DNMT1: variants seen among roughly 807,000 people sequenced by gnomAD.
DNMT1 encodes the protein DNA (cytosine-5)-methyltransferase 1.
In DNMT1, 24 loss-of-function variants were observed where a neutral mutation model predicts 205.3. The ratio of observed to expected loss-of-function variants is 0.12; its 90% CI spans 0.08 to 0.16. DNMT1 has a LOEUF of 0.16. DNMT1 is among the 10% of genes least tolerant of loss of function. The probability of loss-of-function intolerance (pLI) is 1.00; values close to 1 mark genes in which losing one functional copy is unlikely to be tolerated. For missense variants in DNMT1, 1,293 were observed against 2,177.7 expected, an observed-to-expected ratio of 0.59 and a Z score of 8.09; for synonymous variants, 817 against 839.8, an observed-to-expected ratio of 0.97 and a Z score of 0.47.
At chr19:10,177,459 T>A (rs903998759) in intron 5 of DNMT1, 92 bp from the exon 6 acceptor site, 11 of 1,257,334 alleles carry the variant, frequency 8.7e-6, no homozygotes, top group Non-Finnish European at 1.0e-5. Flanking sequence ...ATTACTAAGC[T>A]ATTGCAGGAA....
rs1420072028 is a variant in DNMT1, at chr19:10,151,242, G to T, written c.2265+156C>A. ...TGCTGGTACTGAGCCATGGAACATG[G>T]TCTCTTGGCCAGTCCCGCTCTTCTC... On this transcript the variant is annotated intron_variant, in intron 24 of 40. Coordinates refer to ENST00000359526, the MANE Select transcript of DNMT1 (RefSeq NM_001130823.3). This position sits in a 1 kb window ranked among gnomAD's most constrained non-coding sequence, Gnocchi z 5.0. Among the ~76,000 whole-genome samples, 4 of 152,060 alleles carry T rather than the reference G, an allele frequency of 2.6e-5. No individual in the cohort carries two copies. Among genetic ancestry groups the T allele is most frequent in the Admixed American group, 1.3e-4 (2 of 15,244 alleles).
intron 1 of DNMT1, among the ~76,000 whole-genome samples, chr19:10,189,266 T>G (rs1451086272): frequency 6.6e-6 from 1 of 151,980 alleles, no homozygotes; most frequent in Non-Finnish European, 1.5e-5. Context: ...ACTATAGGCG[T>G]GTGCCACCAT....
intron 24 of DNMT1, among the ~76,000 whole-genome samples, chr19:10,150,597 T>A (rs2038319531): frequency 6.6e-6 from 1 of 152,214 alleles, no homozygotes; most frequent in Admixed American, 6.5e-5. Flanking sequence ...GCAAGCCTCA[T>A]AATTAAGTGA....
At chr19:10,161,651 A>G (rs2038572828) in intron 13 of DNMT1, among the ~76,000 whole-genome samples, 1 of 152,206 alleles carries the variant, frequency 6.6e-6, no homozygotes, top group Admixed American at 6.5e-5. Flanking sequence ...CTCAAAAATA[A>G]ATACTAAAAT....
At chr19:10,173,844 A>G (rs2038877332) in intron 8 of DNMT1, 27 bp downstream of exon 8, 2 of 1,613,168 alleles carry the variant, frequency 1.2e-6, no homozygotes, top group Middle Eastern at 1.7e-4. Context: ...CGTAGAACAA[A>G]AAGAAAGGTA....
intron 1 of DNMT1, among the ~76,000 whole-genome samples, chr19:10,189,700 T>C (rs1444347936): frequency 6.6e-6 from 1 of 152,110 alleles, no homozygotes; most frequent in Non-Finnish European, 1.5e-5. Flanking sequence ...ATTACAGGCA[T>C]GAGCCACTGC....
At chr19:10,169,592 T>C (rs1036705140) in intron 9 of DNMT1, among the ~76,000 whole-genome samples, 2 of 148,080 alleles carry the variant, frequency 1.4e-5, no homozygotes, top group Admixed American at 6.8e-5. Flanking sequence ...AATAACCCCG[T>C]CTCTACTAAA....
intron 6 of DNMT1, among the ~76,000 whole-genome samples, chr19:10,177,037 C>T (rs1225838523): frequency 6.6e-6 from 1 of 152,120 alleles, no homozygotes; most frequent in Non-Finnish European, 1.5e-5. Flanking sequence ...AACTTGATAA[C>T]TGTTGGCACT....
Position 10,133,688 on chromosome 19 carries a change from C to T in DNMT1, c.4878G>A (p.Glu1626=), listed in dbSNP as rs776749454. The change falls in exon 41 of 41, where the codon GAG becomes GAA. Residue 1626 remains glutamate, a synonymous_variant. Transcript: ENST00000359526. This position sits in a 1 kb window ranked among gnomAD's most constrained non-coding sequence, Gnocchi z 4.1. ...AGAACTAGTCCTTAGCAGCTTCCTC[C>T]TCCTTTATTTTAGCTGAAGGGAAAT... The part of the protein sequence containing the change: ...ARESASAKIK[E]EEAAKD 60 of 1,596,190 alleles carry T rather than the reference C, an allele frequency of 3.8e-5. 1 individual carries two copies. The South Asian group carries it at 6.4e-4, about 17-fold the overall frequency.
intron 28 of DNMT1, among the ~76,000 whole-genome samples, chr19:10,145,799 T>C (rs2038186213): frequency 6.6e-6 from 1 of 152,162 alleles, no homozygotes; most frequent in African/African-American, 2.4e-5. Flanking sequence ...CCCCCAGCTG[T>C]CCCTCGCGCT....
intron 14 of DNMT1, 120 bp downstream of exon 14, chr19:10,160,264 C>T: frequency 1.3e-6 from 2 of 1,547,796 alleles, no homozygotes; most frequent in Non-Finnish European, 1.8e-6. Context: ...TGTTCACCAA[C>T]CCGATCCAAA....
In DNMT1 at chr19:10,159,530, C is replaced by T. The variant is rs766855411; in HGVS notation, c.1280+128G>A. 4.6e-5 allele frequency: 46 copies of T among 994,246 alleles called. No homozygotes were observed. The highest frequency in any genetic ancestry group is 6.1e-5 in the Non-Finnish European group (40 of 651,522). 61.6% of individuals were successfully genotyped at this position (994,246 alleles called of 1,614,324 possible). A position where few individuals can be genotyped will look rare whatever the true frequency, so the allele number is the denominator to read the frequency against. On this transcript the variant is annotated intron_variant, in intron 17 of 40. Transcript: ENST00000359526. This position sits in a 1 kb window ranked among gnomAD's most constrained non-coding sequence, Gnocchi z 5.0. ...AGCCCTCCACGGTGGCTCTTATCCA[C>T]GAAGTGTTAGCTTAAGACATGTTGC...
chr19:10,167,006 T>C (rs2038709241), intron 10 of DNMT1, among the ~76,000 whole-genome samples: 1 of 152,114 alleles, frequency 6.6e-6, no homozygotes, highest in Non-Finnish European at 1.5e-5. Flanking sequence ...CTGGCCTGCC[T>C]AGGTTGAGAG....
rs2089544073 is a variant in DNMT1 at position 10,138,737 on chromosome 19, CCA to C, written c.3949-134_3949-133del. ...ATGCGGAGTGCACTTGCAGAAATCC[CCA>C]GTTACCTCAGCAGGCGTGCTCCTGG... On this transcript the variant is annotated intron_variant, in intron 34 of 40. Coordinates refer to ENST00000359526, the MANE Select transcript of DNMT1 (RefSeq NM_001130823.3). This position sits in a 1 kb window ranked among gnomAD's most constrained non-coding sequence, Gnocchi z 4.1. The C allele has an allele frequency of 2.5e-6, 3 of 1,193,738 alleles. No homozygotes were observed. Among genetic ancestry groups the C allele is most frequent in the Admixed American group, 2.3e-5 (1 of 43,914 alleles). 73.9% of individuals were successfully genotyped at this position (1,193,738 alleles called of 1,614,324 possible). A position where few individuals can be genotyped will look rare whatever the true frequency, so the allele number is the denominator to read the frequency against.
chr19:10,189,221 G>A (rs1285477530), intron 1 of DNMT1, among the ~76,000 whole-genome samples: 6 of 151,198 alleles, frequency 4.0e-5, no homozygotes, highest in African/African-American at 1.5e-4. Context: ...CCAAGTTCAA[G>A]CAATTTTCCT....
Position 10,133,943 on chromosome 19 carries a change from A to C in DNMT1, c.4865-242T>G, listed in dbSNP as rs2089425114. Among the ~76,000 whole-genome samples the C allele has an allele frequency of 6.6e-6, 1 of 152,206 alleles. No homozygotes were observed. Among genetic ancestry groups the C allele is most frequent in the Non-Finnish European group, 1.5e-5 (1 of 68,024 alleles). On this transcript the variant is annotated intron_variant, in intron 40 of 40. Transcript: ENST00000359526. This position sits in a 1 kb window ranked among gnomAD's most constrained non-coding sequence, Gnocchi z 4.1. ...GCTGAGGCAGGTGCCTGCTGAGCCA[A>C]ATTCACCGAGCAGGAGTGAGGGAAA...
At chr19:10,181,999 A>T in intron 2 of DNMT1, 42 bp downstream of exon 2, 3 of 1,565,614 alleles carry the variant, frequency 1.9e-6, no homozygotes, top group Non-Finnish European at 2.6e-6. Context: ...AAAGTGTGTC[A>T]GTCAGATTTG....
intron 8 of DNMT1, among the ~76,000 whole-genome samples, chr19:10,173,382 A>G (rs896298866): frequency 2.0e-5 from 3 of 152,198 alleles, no homozygotes; most frequent in African/African-American, 7.2e-5. Flanking sequence ...CCTTCCAAGA[A>G]AACAGGAGAA....
At chr19:10,187,410 C>G (rs1292132861) in intron 1 of DNMT1, among the ~76,000 whole-genome samples, 1 of 152,066 alleles carries the variant, frequency 6.6e-6, no homozygotes, top group Non-Finnish European at 1.5e-5. Flanking sequence ...CGAGACTAGC[C>G]TGGGCAACAG....
Sources: allele counts gnomAD v4.1 joint callset (sites outside exome capture counted in the v4.1 genomes callset), GRCh38; gene constraint gnomAD v4.1.1; non-coding constraint Gnocchi (gnomAD v3.1); transcripts MANE v1.5; gene names NCBI Gene and HGNC (gene_info 2026-07-23, HGNC 2026-07-21).